Variants in STS observed in about 807,000 individuals in gnomAD.
STS encodes the protein steryl-sulfatase.
Under a neutral mutation model 26.8 loss-of-function variants are expected in STS, and 7 were observed. That is an observed-to-expected ratio of 0.26 (90% CI 0.15 to 0.49). The LOEUF (loss-of-function observed/expected upper bound fraction) is 0.49. Ranked by LOEUF, STS falls within the 20% of genes least tolerant of loss-of-function variation. STS has a pLI of 0.98. For synonymous variants in STS, 199 were observed against 189.4 expected, an observed-to-expected ratio of 1.05 and a Z score of -0.42; for missense variants, 434 against 465.6, an observed-to-expected ratio of 0.93 and a Z score of 0.63.
chrX:7,321,307 A>G (rs6639819), intron 8 of STS, among the ~76,000 whole-genome samples: 5,674 of 111,336 alleles, frequency 0.051, 250 homozygotes, highest in East Asian at 0.29. Context: ...GAGAGGATTG[A>G]AAAACTAAAT....
At chrX:7,233,484 T>C (rs1238814697) in intron 2 of STS, among the ~76,000 whole-genome samples, 1 of 111,825 alleles carries the variant, frequency 8.9e-6, no homozygotes, top group Non-Finnish European at 1.9e-5. Flanking sequence ...CTAGTTTTAG[T>C]TTTTTGAGAA....
At chrX:7,173,824 C>T (rs748375218) in intron 1 of STS, among the ~76,000 whole-genome samples, 3 of 111,957 alleles carry the variant, frequency 2.7e-5, no homozygotes, top group Non-Finnish European at 5.6e-5. Context: ...CTTTATCCTG[C>T]AGATCAAATA....
intron 10 of STS, among the ~76,000 whole-genome samples, chrX:7,341,125 T>C (rs1159973066): frequency 8.9e-6 from 1 of 111,821 alleles, no homozygotes; most frequent in Non-Finnish European, 1.9e-5. Flanking sequence ...GAAGGTCGCA[T>C]TACTGGCATA....
chrX:7,299,027 T>A (rs1470518482), intron 7 of STS, among the ~76,000 whole-genome samples: 4 of 62,593 alleles, frequency 6.4e-5, no homozygotes, highest in African/African-American at 2.6e-4. Flanking sequence ...TATAAATATA[T>A]TTTATTTATA....
intron 10 of STS, among the ~76,000 whole-genome samples, chrX:7,348,592 AATG>A (rs1176964117): frequency 3.6e-5 from 4 of 112,282 alleles, no homozygotes; most frequent in Admixed American, 9.4e-5. Flanking sequence ...CTCCTCAGAA[AATG>A]ATAACATTGT....
At chrX:7,247,179 G>A (rs1253552798) in intron 2 of STS, among the ~76,000 whole-genome samples, 1 of 112,111 alleles carries the variant, frequency 8.9e-6, no homozygotes, top group Admixed American at 9.5e-5. Context: ...TAAAAGTGAA[G>A]AGACTTAAAA....
In STS at chrX:7,331,887, TA is replaced by T. The variant is rs11396837; in HGVS notation, c.1242-2079del. Among the ~76,000 whole-genome samples the T allele has an allele frequency of 4.3e-3, 321 of 74,257 alleles. 3 individuals are homozygous for T. The highest frequency in any genetic ancestry group is 0.013 in the African/African-American group (247 of 18,804). The allele number at this position is 74,257 out of a possible 115,157, so 64.5% of individuals were successfully genotyped here. A position where few individuals can be genotyped will look rare whatever the true frequency, so the allele number is the denominator to read the frequency against. ...AAGGACCACGTTAGGTGTGGGATAT[TA>T]AAAAAAAAAAAAAAAAAAAGTCTAT... On this transcript the variant is annotated intron_variant, in intron 9 of 10. Transcript: ENST00000674429.
intron 10 of STS, among the ~76,000 whole-genome samples, chrX:7,344,022 C>T (rs1928413339): frequency 8.9e-6 from 1 of 111,905 alleles, no homozygotes; most frequent in African/African-American, 3.3e-5. Flanking sequence ...AGTTTATCAC[C>T]ACGCCTTGGG....
intron 3 of STS, 149 bp downstream of exon 3, chrX:7,253,485 T>C: frequency 1.2e-6 from 1 of 801,875 alleles, no homozygotes; most frequent in East Asian, 3.2e-5. Context: ...TACACTGAGA[T>C]GTAGGTGTCA....
chrX:7,249,632 A>T (rs1047421908), intron 2 of STS, among the ~76,000 whole-genome samples: 1 of 111,888 alleles, frequency 8.9e-6, no homozygotes, highest in African/African-American at 3.3e-5. Flanking sequence ...GAATGCTGAA[A>T]AGCCCTAGAA....
At chrX:7,267,509 A>T (rs1438433533) in intron 6 of STS, among the ~76,000 whole-genome samples, 3 of 112,325 alleles carry the variant, frequency 2.7e-5, no homozygotes, top group Non-Finnish European at 5.6e-5. Context: ...CAATAGAAAG[A>T]GATGGATGTT....
rs139918855 is a variant in STS, at chrX:7,326,952, G to A, written c.1241+1454G>A. Among the ~76,000 whole-genome samples the A allele has an allele frequency of 6.9e-3, 772 of 111,944 alleles. 2 individuals are homozygous for A. Among genetic ancestry groups the A allele is most frequent in the Admixed American group, 0.012 (124 of 10,577 alleles). On this transcript the variant is annotated intron_variant, in intron 9 of 10. Coordinates refer to ENST00000674429, the MANE Select transcript of STS (RefSeq NM_001320752.2). ...CACACACACCAATGAGAAATGCAGCGTTGACAGTTCAACTATTCTCAAACT... is the reference window on the plus strand; with the variant it reads ...CACACACACCAATGAGAAATGCAGCATTGACAGTTCAACTATTCTCAAACT...
chrX:7,250,102 AT>A (rs1277937319), intron 2 of STS, among the ~76,000 whole-genome samples: 1 of 109,574 alleles, frequency 9.1e-6, no homozygotes, highest in Non-Finnish European at 1.9e-5. Context: ...AAATTTTTAA[AT>A]TTTTTTGTAG....
intron 1 of STS, among the ~76,000 whole-genome samples, chrX:7,166,196 C>T (rs1452900678): frequency 2.7e-5 from 3 of 110,404 alleles, no homozygotes; most frequent in Non-Finnish European, 5.7e-5. Context: ...TTTGTAGAAT[C>T]GGGGTCTCAT....
At chrX:7,275,928 C>CTTT in intron 6 of STS, 23 bp from the exon 7 acceptor site, 1 of 1,104,171 alleles carries the variant, frequency 9.1e-7, no homozygotes, top group Non-Finnish European at 1.2e-6. Flanking sequence ...TTTTTTCCTC[C>CTTT]CTTTTTTTTT....
At position 7,148,913 on chromosome X, in the gene STS, T is replaced by C. The variant is rs1932948789; in HGVS notation, c.-134+830T>C. ...TGGGCTGCTCTGAGTTTTCTTTCTTTTTTAACTTTTCAAATGCCACCTAAA... is the reference window on the plus strand; with the variant it reads ...TGGGCTGCTCTGAGTTTTCTTTCTTCTTTAACTTTTCAAATGCCACCTAAA... On this transcript the variant is annotated intron_variant, in intron 1 of 10. Coordinates refer to ENST00000674429, the MANE Select transcript of STS (RefSeq NM_001320752.2). Among the ~76,000 whole-genome samples, 3 of 108,941 alleles carry C rather than the reference T, an allele frequency of 2.8e-5. No individual in the cohort carries two copies. In the Admixed American group the frequency reaches 3.0e-4, roughly 11 times the overall value. 94.6% of individuals were successfully genotyped at this position (108,941 alleles called of 115,157 possible). A position where few individuals can be genotyped will look rare whatever the true frequency, so the allele number is the denominator to read the frequency against.
Position 7,274,447 on chromosome X carries a change from G to C in STS, c.807-1504G>C, listed in dbSNP as rs769192964. On this transcript the variant is annotated intron_variant, in intron 6 of 10. Coordinates refer to ENST00000674429, the MANE Select transcript of STS (RefSeq NM_001320752.2). Reference sequence around the variant, plus strand: ...CCCAGTATTCTCTTTCAGCAGAAAGGAATTGCTAATTATTTCCCAGACGAG... The same window carrying C: ...CCCAGTATTCTCTTTCAGCAGAAAGCAATTGCTAATTATTTCCCAGACGAG... Among the ~76,000 whole-genome samples the C allele has an allele frequency of 3.6e-5, 4 of 111,816 alleles. No individual in the cohort carries two copies. The South Asian group carries it at 1.5e-3, about 42-fold the overall frequency.
intron 1 of STS, among the ~76,000 whole-genome samples, chrX:7,163,768 A>G (rs1933295220): frequency 8.9e-6 from 1 of 112,700 alleles, no homozygotes; most frequent in African/African-American, 3.2e-5. Context: ...TAAAACTAAC[A>G]TAAAGTGAAA....
intron 5 of STS, among the ~76,000 whole-genome samples, chrX:7,258,786 C>T (rs1413952832): frequency 9.0e-6 from 1 of 110,739 alleles, no homozygotes; most frequent in African/African-American, 3.3e-5. Flanking sequence ...CCTCATGCCT[C>T]AGGGGTAGGT....
Sources: allele counts gnomAD v4.1 joint callset (sites outside exome capture counted in the v4.1 genomes callset), GRCh38; gene constraint gnomAD v4.1.1; transcripts MANE v1.5; gene names NCBI Gene and HGNC (gene_info 2026-07-23, HGNC 2026-07-21).